Variants in DIP2B observed in about 807,000 individuals in gnomAD.
The protein encoded by DIP2B is disco-interacting protein 2 homolog B.
Under a neutral mutation model 198.0 loss-of-function variants are expected in DIP2B, and 76 were observed. The ratio of observed to expected loss-of-function variants is 0.38; its 90% CI spans 0.32 to 0.46. The LOEUF is 0.46. DIP2B is among the 20% of genes least tolerant of loss of function. The pLI, the probability that DIP2B is intolerant of heterozygous loss-of-function variation, is 0.99. For synonymous variants in DIP2B, 701 were observed against 739.1 expected (o/e 0.95, Z 0.84); for missense variants, 1,559 against 1,978.4 (o/e 0.79, Z 4.02).
intron 1 of DIP2B, among the ~76,000 whole-genome samples, chr12:50,514,659 C>A (rs923596918): frequency 1.3e-5 from 2 of 152,056 alleles, no homozygotes; most frequent in African/African-American, 4.8e-5. Flanking sequence ...GACTCTTTGC[C>A]TTCAGCCTAT....
chr12:50,528,585 A>G (rs1368321885), intron 1 of DIP2B, among the ~76,000 whole-genome samples: 1 of 152,182 alleles, frequency 6.6e-6, no homozygotes, highest in African/African-American at 2.4e-5. Context: ...TAAACTGGGC[A>G]TATGGACCCA....
Position 50,520,035 on chromosome 12 carries a change from CTTTTTTT to C in DIP2B, c.100+14810_100+14816del, listed in dbSNP as rs35179881. ...CTGACCAGTCTTGTCATTGAATCTC[CTTTTTTT>C]TTTTTTTTTTTTTTGAGACAATGTC... On this transcript the variant is annotated intron_variant, in intron 1 of 37. Coordinates refer to ENST00000301180, the MANE Select transcript of DIP2B (RefSeq NM_173602.3). Among the ~76,000 whole-genome samples the C allele has an allele frequency of 5.0e-5, 5 of 100,560 alleles. No homozygotes were observed. In the Admixed American group the frequency reaches 5.0e-4, roughly 10 times the overall value. The allele number at this position is 100,560 out of a possible 152,430, so 66.0% of individuals were successfully genotyped here. A position where few individuals can be genotyped will look rare whatever the true frequency, so the allele number is the denominator to read the frequency against.
chr12:50,533,024 T>G (rs1436701324), intron 1 of DIP2B, among the ~76,000 whole-genome samples: 1 of 152,218 alleles, frequency 6.6e-6, no homozygotes, highest in Non-Finnish European at 1.5e-5. Context: ...TCTAAAATGG[T>G]TTGTGTGCTT....
intron 3 of DIP2B, among the ~76,000 whole-genome samples, chr12:50,645,115 G>A (rs1333818730): frequency 6.6e-6 from 1 of 152,034 alleles, no homozygotes; most frequent in Non-Finnish European, 1.5e-5. Context: ...AAATTCCAAG[G>A]ACACTACAAT....
At chr12:50,632,425 G>T (rs1298960432) in intron 2 of DIP2B, among the ~76,000 whole-genome samples, 1 of 140,070 alleles carries the variant, frequency 7.1e-6, no homozygotes, top group Admixed American at 7.2e-5. Flanking sequence ...GTTGCAGTGA[G>T]CCGAGATTGT....
intron 8 of DIP2B, chr12:50,679,888 C>T (rs1939008471): frequency 6.6e-6 from 1 of 152,098 alleles, no homozygotes; most frequent in Non-Finnish European, 1.5e-5. Context: ...TTGCAGTTTC[C>T]TCAAGTGTCT....
chr12:50,658,613 ATTCT>A (rs1181651645), intron 3 of DIP2B, among the ~76,000 whole-genome samples: 3 of 152,252 alleles, frequency 2.0e-5, no homozygotes, highest in African/African-American at 7.2e-5. Context: ...ATACTGAATT[ATTCT>A]TTCTATGAAT....
intron 1 of DIP2B, among the ~76,000 whole-genome samples, chr12:50,514,720 A>G (rs1958048705): frequency 6.6e-6 from 1 of 152,100 alleles, no homozygotes; most frequent in Admixed American, 6.6e-5. Context: ...GCTGCAGTGT[A>G]GTGGGGTGCT....
chr12:50,623,111 G>T (rs1388344332), intron 1 of DIP2B, among the ~76,000 whole-genome samples: 1 of 151,980 alleles, frequency 6.6e-6, no homozygotes, highest in African/African-American at 2.4e-5. Context: ...AACAGGCCAG[G>T]TGTGGCTCAC....
intron 34 of DIP2B, 81 bp from the exon 35 acceptor site, chr12:50,736,955 A>C (rs1449436498): frequency 2.9e-6 from 4 of 1,387,638 alleles, no homozygotes; most frequent in Admixed American, 3.5e-5. Flanking sequence ...TCACCTCTCC[A>C]GCAGGTAACT....
intron 32 of DIP2B, among the ~76,000 whole-genome samples, chr12:50,733,295 T>C (rs925133001): frequency 1.3e-5 from 2 of 151,586 alleles, no homozygotes; most frequent in African/African-American, 4.8e-5. Flanking sequence ...TTGTATTCTC[T>C]TCTCTACCCA....
chr12:50,538,310 G>A (rs1401415301), intron 1 of DIP2B, among the ~76,000 whole-genome samples: 2 of 152,196 alleles, frequency 1.3e-5, no homozygotes, highest in Non-Finnish European at 2.9e-5. Flanking sequence ...AAGCTTAAGG[G>A]TTTGAGAAAT....
intron 37 of DIP2B, among the ~76,000 whole-genome samples, chr12:50,744,232 C>A (rs1319203630): frequency 1.3e-5 from 2 of 152,118 alleles, no homozygotes; most frequent in Non-Finnish European, 2.9e-5. Context: ...GAACTCCTGA[C>A]CTCAGGTGAT....
At chr12:50,660,384 CT>C (rs1242372435) in intron 4 of DIP2B, 65 bp downstream of exon 4, 3 of 1,474,092 alleles carry the variant, frequency 2.0e-6, no homozygotes, top group Non-Finnish European at 2.7e-6. Context: ...ATAAGTTCTG[CT>C]TTTTCTTTTC....
At chr12:50,720,492 A>G (rs548425480) in intron 25 of DIP2B, among the ~76,000 whole-genome samples, 1 of 151,236 alleles carries the variant, frequency 6.6e-6, no homozygotes, top group Admixed American at 6.6e-5. Flanking sequence ...TGTGCATCTT[A>G]TTGAAAAGTC....
At chr12:50,651,248 G>C (rs533398628) in intron 3 of DIP2B, among the ~76,000 whole-genome samples, 16 of 152,250 alleles carry the variant, frequency 1.1e-4, no homozygotes, top group Admixed American at 2.6e-4. Context: ...CCAATATATG[G>C]CTTGTAAATA....
intron 1 of DIP2B, among the ~76,000 whole-genome samples, chr12:50,538,039 C>T (rs774912922): frequency 1.3e-5 from 2 of 152,132 alleles, no homozygotes; most frequent in Non-Finnish European, 2.9e-5. Context: ...ATTTATTTTA[C>T]TTTACTATTA....
intron 3 of DIP2B, among the ~76,000 whole-genome samples, chr12:50,644,489 G>A (rs535841607): frequency 1.3e-5 from 2 of 152,322 alleles, no homozygotes; most frequent in East Asian, 1.9e-4. Flanking sequence ...ATGCTTCTGG[G>A]AGAGATGTCC....
intron 1 of DIP2B, among the ~76,000 whole-genome samples, chr12:50,555,827 C>T (rs1040250800): frequency 6.6e-6 from 1 of 151,994 alleles, no homozygotes; most frequent in Admixed American, 6.6e-5. Context: ...TTTCCTTTTG[C>T]TTCTTGTCAG....
Sources: allele counts gnomAD v4.1 joint callset (sites outside exome capture counted in the v4.1 genomes callset), GRCh38; gene constraint gnomAD v4.1.1; transcripts MANE v1.5; gene names NCBI Gene and HGNC (gene_info 2026-07-23, HGNC 2026-07-21).